ACOT8: variants seen among roughly 807,000 people sequenced by gnomAD.
ACOT8 encodes acyl-CoA thioesterase 8.
ACOT8 carries 31 observed loss-of-function variants against 38.4 expected under a neutral mutation model. The ratio of observed to expected loss-of-function variants is 0.81; its 90% confidence interval spans 0.61 to 1.09. The LOEUF (loss-of-function observed/expected upper bound fraction) is 1.09, where lower values mean the gene tolerates loss of function less well. Among genes scored for constraint, ACOT8 ranks in the 50% least tolerant of loss-of-function variants. The pLI, the probability that ACOT8 is intolerant of heterozygous loss-of-function variation, is 0.00. For missense variants in ACOT8, 373 were observed against 421.8 expected (o/e 0.88, Z 1.01); for synonymous variants, 158 against 170.3 (o/e 0.93, Z 0.56).
At chr20:45,848,988 G>A (rs970799826) in intron 2 of ACOT8, 5 of 290,392 alleles carry the variant, frequency 1.7e-5, no homozygotes, top group African/African-American at 1.1e-4. Context: ...TTTGCAAACT[G>A]GGGATCATCA....
chr20:45,845,077 T>C (rs1984583124), intron 3 of ACOT8, among the ~76,000 whole-genome samples: 1 of 151,950 alleles, frequency 6.6e-6, no homozygotes, highest in Non-Finnish European at 1.5e-5. Context: ...CCACTGTGCC[T>C]GGCTAACATT....
In ACOT8 at chr20:45,855,249, GACCAC is replaced by G. The variant is rs758244322; in HGVS notation, c.167_171del (p.Gly56AlafsTer16). 1 of 1,614,020 alleles carries G rather than the reference GACCAC, an allele frequency of 6.2e-7. No homozygotes were observed. The highest frequency in any genetic ancestry group is 1.3e-5 in the African/African-American group (1 of 74,922). ...GCCACCAGGGCCTGGCCCACGATCT[GACCAC>G]CAAACAGCCTCTTGGCCGGTACCCA... On this transcript the variant is annotated frameshift_variant, in exon 2 of 6. Coordinates refer to ENST00000217455, the MANE Select transcript of ACOT8 (RefSeq NM_005469.4). LOFTEE classifies it high-confidence loss of function.
At chr20:45,843,285 T>A in intron 5 of ACOT8, 1 of 696,100 alleles carries the variant, frequency 1.4e-6, no homozygotes, top group Non-Finnish European at 2.5e-6. Flanking sequence ...GTTTTGGGAC[T>A]AGAACTGGGT....
chr20:45,844,516 A>AC (rs1984531285), intron 3 of ACOT8, 96 bp from the exon 4 acceptor site: 2 of 1,409,242 alleles, frequency 1.4e-6, no homozygotes, highest in African/African-American at 2.9e-5. Flanking sequence ...TTCCACAGGG[A>AC]CCCCTGATAT....
chr20:45,845,488 G>A (rs1454555101), intron 3 of ACOT8, among the ~76,000 whole-genome samples: 1 of 152,120 alleles, frequency 6.6e-6, no homozygotes, highest in East Asian at 1.9e-4. Context: ...GAGCTGCTGT[G>A]CCCAGCCACT....
intron 2 of ACOT8, among the ~76,000 whole-genome samples, chr20:45,850,925 C>T (rs1371299806): frequency 1.3e-5 from 2 of 152,102 alleles, no homozygotes; most frequent in Non-Finnish European, 2.9e-5. Flanking sequence ...CAGCCAACAA[C>T]AAGCAGGTGA....
chr20:45,849,937 G>A (rs1568738510), intron 2 of ACOT8, among the ~76,000 whole-genome samples: 2 of 152,260 alleles, frequency 1.3e-5, no homozygotes, highest in Middle Eastern at 3.4e-3. Context: ...GGCTGGGCAC[G>A]GTGGCTCACA....
At chr20:45,854,097 G>A (rs1021428890) in intron 2 of ACOT8, 7 of 678,470 alleles carry the variant, frequency 1.0e-5, no homozygotes, top group South Asian at 5.2e-5. Context: ...ACAAGGTCTC[G>A]ATTTATTGCC....
intron 5 of ACOT8, 62 bp downstream of exon 5, chr20:45,843,465 C>G: frequency 6.4e-7 from 1 of 1,568,962 alleles, no homozygotes; most frequent in African/African-American, 1.4e-5. Context: ...CAGCATCACC[C>G]AAGAAAGCAG....
intron 2 of ACOT8, among the ~76,000 whole-genome samples, chr20:45,849,451 A>G (rs1233333282): frequency 3.3e-5 from 4 of 120,686 alleles, no homozygotes; most frequent in African/African-American, 1.4e-4. Context: ...ATACCCAGCT[A>G]ATTTTTTTTT....
chr20:45,854,948 G>A lies in ACOT8; in HGVS notation c.262+211C>T, dbSNP rs186945565. On this transcript the variant is annotated intron_variant, in intron 2 of 5. Transcript: ENST00000217455. ...TGTGTCATTATCAGCCAGACATCAG[G>A]TACCCAGTGAGTCCCAGCAGGTGTG... 1.3e-3 allele frequency among the ~76,000 whole-genome samples: 198 copies of A among 152,284 alleles called. 1 individual carries two copies. Among genetic ancestry groups the A allele is most frequent in the African/African-American group, 4.5e-3 (188 of 41,544 alleles).
At chr20:45,849,488 T>G (rs1984930495) in intron 2 of ACOT8, among the ~76,000 whole-genome samples, 1 of 148,310 alleles carries the variant, frequency 6.7e-6, no homozygotes, top group African/African-American at 2.5e-5. Flanking sequence ...TTTCGCTGGG[T>G]CACCGAGGCT....
intron 2 of ACOT8, among the ~76,000 whole-genome samples, chr20:45,853,096 C>A (rs1381896499): frequency 6.6e-6 from 1 of 152,198 alleles, no homozygotes; most frequent in Non-Finnish European, 1.5e-5. Flanking sequence ...GAAATGGTGG[C>A]TTGGACACAG....
chr20:45,843,085 A>C, intron 5 of ACOT8: 1 of 1,137,858 alleles, frequency 8.8e-7, no homozygotes, highest in Non-Finnish European at 1.1e-6. Flanking sequence ...GACCTTATCC[A>C]AGACCTACTG....
At chr20:45,856,679 CAAA>C in intron 1 of ACOT8, among the ~76,000 whole-genome samples, 1 of 152,040 alleles carries the variant, frequency 6.6e-6, no homozygotes, top group Non-Finnish European at 1.5e-5. Flanking sequence ...GACTCCGCCT[CAAA>C]GAAAGAAAGA....
At chr20:45,856,131 G>A (rs1359545546) in intron 1 of ACOT8, among the ~76,000 whole-genome samples, 41 of 152,174 alleles carry the variant, frequency 2.7e-4, no homozygotes, top group Admixed American at 2.7e-3. Flanking sequence ...GGATGTGGTG[G>A]CAAGCGCTTA....
intron 2 of ACOT8, among the ~76,000 whole-genome samples, chr20:45,850,863 A>G (rs1985010860): frequency 1.3e-5 from 2 of 152,114 alleles, no homozygotes; most frequent in Admixed American, 1.3e-4. Flanking sequence ...CCTTGTCTCA[A>G]AAACAACAAG....
chr20:45,854,485 A>G (rs2145777011), intron 2 of ACOT8, among the ~76,000 whole-genome samples: 1 of 152,334 alleles, frequency 6.6e-6, no homozygotes, highest in Non-Finnish European at 1.5e-5. Flanking sequence ...CTGGGATTAC[A>G]GGCGTGAGCC....
chr20:45,848,366 A>T (rs1984825076), intron 3 of ACOT8, 84 bp downstream of exon 3: 1 of 1,215,662 alleles, frequency 8.2e-7, no homozygotes, highest in African/African-American at 1.5e-5. Context: ...ATGCTGGTCA[A>T]GACCCACTAA....
Sources: allele counts gnomAD v4.1 joint callset (sites outside exome capture counted in the v4.1 genomes callset), GRCh38; gene constraint gnomAD v4.1.1; transcripts MANE v1.5; gene names NCBI Gene and HGNC (gene_info 2026-07-23, HGNC 2026-07-21).